RALGPS1: variants seen among roughly 807,000 people sequenced by gnomAD.
RALGPS1 encodes Ral GEF with PH domain and SH3 binding motif 1, also known as ras-specific guanine nucleotide-releasing factor RalGPS1.
RALGPS1 carries 19 observed loss-of-function variants against 78.8 expected under a neutral mutation model. The ratio of observed to expected loss-of-function variants is 0.24; its 90% CI spans 0.17 to 0.35. The LOEUF (loss-of-function observed/expected upper bound fraction) is 0.35. Among genes scored for constraint, RALGPS1 ranks in the 10% least tolerant of loss-of-function variants. The pLI, the probability that RALGPS1 is intolerant of heterozygous loss-of-function variation, is 1.00. For missense variants in RALGPS1, 454 were observed against 688.3 expected, an observed-to-expected ratio of 0.66 and a Z score of 3.81; for synonymous variants, 228 against 256.3, an observed-to-expected ratio of 0.89 and a Z score of 1.06.
intron 7 of RALGPS1, among the ~76,000 whole-genome samples, chr9:127,067,158 A>G (rs565015812): frequency 1.3e-5 from 2 of 152,300 alleles, no homozygotes; most frequent in South Asian, 4.1e-4. Context: ...GTTATATATT[A>G]CAGTGTCTTA....
intron 8 of RALGPS1, among the ~76,000 whole-genome samples, chr9:127,074,365 G>A (rs1380124128): frequency 9.9e-5 from 15 of 151,984 alleles, no homozygotes; most frequent in Non-Finnish European, 1.9e-4. Flanking sequence ...ATCTTTCCTT[G>A]TTTTCTTCTT....
chr9:127,070,409 T>TTTC (rs2050096236), intron 8 of RALGPS1, among the ~76,000 whole-genome samples: 1 of 152,194 alleles, frequency 6.6e-6, no homozygotes, highest in African/African-American at 2.4e-5. Flanking sequence ...GTTATGATTA[T>TTTC]TACCTTGTGA....
At chr9:126,931,031 A>C (rs1318728151) in intron 1 of RALGPS1, among the ~76,000 whole-genome samples, 1 of 152,242 alleles carries the variant, frequency 6.6e-6, no homozygotes, top group African/African-American at 2.4e-5. Flanking sequence ...GTCAGAAGGT[A>C]ATTAGGCCAG....
At position 127,122,034 on chromosome 9, in the gene RALGPS1, C is replaced by T. The variant is rs544688205; in HGVS notation, c.611-44035C>T. On this transcript the variant is annotated intron_variant, in intron 8 of 18. Coordinates refer to ENST00000259351, the MANE Select transcript of RALGPS1 (RefSeq NM_014636.3). The surrounding 1 kb of genome is among the most constrained non-coding windows in gnomAD (Gnocchi z 6.4). ...CTCTGCCGTGCCGGGAGCTGCCGGCCGGCACCCCAAAGGCTCTTTGTCCAA... is the reference window on the plus strand; with the variant it reads ...CTCTGCCGTGCCGGGAGCTGCCGGCTGGCACCCCAAAGGCTCTTTGTCCAA... 2.0e-5 allele frequency among the ~76,000 whole-genome samples: 3 copies of T among 152,290 alleles called. No individual in the cohort carries two copies. The highest frequency in any genetic ancestry group is 6.5e-5 in the Admixed American group (1 of 15,308).
chr9:127,185,065 A>G (rs921494844), intron 11 of RALGPS1, among the ~76,000 whole-genome samples: 5 of 152,120 alleles, frequency 3.3e-5, no homozygotes, highest in African/African-American at 1.2e-4. Flanking sequence ...CAATCCCAAA[A>G]TGAACTTCTC....
chr9:126,994,487 G>A lies in RALGPS1; in HGVS notation c.216+16742G>A, dbSNP rs201018759. ...AGAAGAGAAGTTTAGAGAAAAAAGA[G>A]TAAAAAGAAATGAACAAAGCCTCCA... On this transcript the variant is annotated intron_variant, in intron 4 of 18. Coordinates refer to ENST00000259351, the MANE Select transcript of RALGPS1 (RefSeq NM_014636.3). 2.6e-5 allele frequency among the ~76,000 whole-genome samples: 4 copies of A among 151,840 alleles called. No individual in the cohort carries two copies. The South Asian group carries it at 8.3e-4, about 32-fold the overall frequency.
chr9:126,935,279 G>A (rs964020119), intron 1 of RALGPS1, among the ~76,000 whole-genome samples: 1 of 152,114 alleles, frequency 6.6e-6, no homozygotes, highest in Non-Finnish European at 1.5e-5. Flanking sequence ...CTTACACACA[G>A]GAGATGCTCA....
At position 127,091,973 on chromosome 9, in the gene RALGPS1, G is replaced by T. The variant is rs763578177; in HGVS notation, c.610+22617G>T. 6.2e-7 allele frequency: 1 copy of T among 1,604,624 alleles called. No homozygotes were observed. The highest frequency in any genetic ancestry group is 1.7e-5 in the Admixed American group (1 of 59,630). On this transcript the variant is annotated intron_variant, in intron 8 of 18. Transcript: ENST00000259351. This position sits in a 1 kb window ranked among gnomAD's most constrained non-coding sequence, Gnocchi z 4.3. ...AAACCCAGGAGAGTGTTAATGTGGA[G>T]CCTGCAGCACCTGCAGCCAGCAGGC...
At chr9:127,066,539 G>A (rs911283876) in intron 7 of RALGPS1, among the ~76,000 whole-genome samples, 1 of 152,172 alleles carries the variant, frequency 6.6e-6, no homozygotes, top group Non-Finnish European at 1.5e-5. Context: ...TACTTGGGAG[G>A]CTGAGACACG....
At chr9:127,102,404 A>G (rs566694995) in intron 8 of RALGPS1, among the ~76,000 whole-genome samples, 1 of 152,264 alleles carries the variant, frequency 6.6e-6, no homozygotes, top group East Asian at 1.9e-4. Context: ...GTTCACCACA[A>G]CAATCCATTT....
At chr9:127,167,932 G>A (rs2059374564) in intron 9 of RALGPS1, among the ~76,000 whole-genome samples, 1 of 152,212 alleles carries the variant, frequency 6.6e-6, no homozygotes, top group Admixed American at 6.5e-5. Flanking sequence ...TCCAGAAACG[G>A]GCAACACCGT....
intron 8 of RALGPS1, among the ~76,000 whole-genome samples, chr9:127,129,673 G>A (rs1283115733): frequency 1.3e-5 from 2 of 152,220 alleles, no homozygotes; most frequent in Admixed American, 6.5e-5. Flanking sequence ...TGCTGGCAGC[G>A]ACCTTTCTGA....
intron 6 of RALGPS1, among the ~76,000 whole-genome samples, chr9:127,052,312 G>A (rs1328801927): frequency 6.6e-6 from 1 of 152,176 alleles, no homozygotes; most frequent in African/African-American, 2.4e-5. Context: ...TCCCTCCATG[G>A]TAAGAAACTT....
At chr9:127,051,722 G>T (rs2048317119) in intron 6 of RALGPS1, among the ~76,000 whole-genome samples, 1 of 152,142 alleles carries the variant, frequency 6.6e-6, no homozygotes, top group Admixed American at 6.5e-5. Context: ...ATTTCACTAG[G>T]CCCTACAATG....
At chr9:126,961,348 C>A (rs1411541749) in intron 1 of RALGPS1, among the ~76,000 whole-genome samples, 1 of 152,084 alleles carries the variant, frequency 6.6e-6, no homozygotes, top group African/African-American at 2.4e-5. Context: ...AATGATAGGA[C>A]CTACTTCAGG....
chr9:127,180,968 T>G (rs1240946153), intron 11 of RALGPS1, among the ~76,000 whole-genome samples: 1 of 152,206 alleles, frequency 6.6e-6, no homozygotes, highest in African/African-American at 2.4e-5. Context: ...GCAGCCTCAG[T>G]ATTGCAGCCT....
chr9:126,956,600 G>A (rs1252687492), intron 1 of RALGPS1, among the ~76,000 whole-genome samples: 1 of 152,130 alleles, frequency 6.6e-6, no homozygotes. Context: ...ACAGGGGGAA[G>A]ATGGGCAGGT....
intron 1 of RALGPS1, among the ~76,000 whole-genome samples, chr9:126,925,886 G>C (rs552288267): frequency 6.6e-6 from 1 of 152,290 alleles, no homozygotes; most frequent in South Asian, 2.1e-4. Flanking sequence ...AGTTGCATCT[G>C]CCATCATCCT....
chr9:127,023,266 C>G (rs2045638746), intron 4 of RALGPS1, among the ~76,000 whole-genome samples: 1 of 152,170 alleles, frequency 6.6e-6, no homozygotes, highest in Non-Finnish European at 1.5e-5. Flanking sequence ...CCTTTGTGGC[C>G]TTGAGTTGTG....
Sources: allele counts gnomAD v4.1 joint callset (sites outside exome capture counted in the v4.1 genomes callset), GRCh38; gene constraint gnomAD v4.1.1; non-coding constraint Gnocchi (gnomAD v3.1); transcripts MANE v1.5; gene names NCBI Gene and HGNC (gene_info 2026-07-23, HGNC 2026-07-21).